ARHGEF3: variants seen among roughly 807,000 people sequenced by gnomAD.
ARHGEF3 encodes Rho guanine nucleotide exchange factor 3.
In ARHGEF3, 28 loss-of-function variants were observed where a neutral mutation model predicts 63.2. The ratio of observed to expected loss-of-function variants is 0.44; its 90% confidence interval spans 0.33 to 0.61. ARHGEF3 has a LOEUF of 0.61. Among genes scored for constraint, ARHGEF3 ranks in the 20% least tolerant of loss-of-function variants. The pLI is 0.03. For synonymous variants in ARHGEF3, 266 were observed against 254.2 expected (o/e 1.05, Z -0.44); for missense variants, 533 against 659.3 (o/e 0.81, Z 2.10).
chr3:56,785,432 T>C (rs2036755153), intron 1 of ARHGEF3, among the ~76,000 whole-genome samples: 1 of 152,186 alleles, frequency 6.6e-6, no homozygotes, highest in East Asian at 1.9e-4. Flanking sequence ...TGCTGAATTA[T>C]GGGCTAGAAG....
At chr3:56,905,489 C>T (rs1344584340) in intron 3 of ARHGEF3, among the ~76,000 whole-genome samples, 1 of 152,212 alleles carries the variant, frequency 6.6e-6, no homozygotes, top group Admixed American at 6.5e-5. Context: ...TCCCCATTGA[C>T]TGAGTATGTA....
At chr3:56,914,689 C>T (rs927647222) in intron 3 of ARHGEF3, among the ~76,000 whole-genome samples, 5 of 152,090 alleles carry the variant, frequency 3.3e-5, no homozygotes, top group Non-Finnish European at 5.9e-5. Flanking sequence ...TTCTGACACA[C>T]GTTACAACTT....
chr3:56,815,894 C>G (rs1391485884), intron 4 of ARHGEF3, among the ~76,000 whole-genome samples: 1 of 152,110 alleles, frequency 6.6e-6, no homozygotes, highest in Non-Finnish European at 1.5e-5. Context: ...AGTGGTAGGG[C>G]CATACCTAAT....
chr3:57,065,358 G>A (rs1705470490), intron 1 of ARHGEF3, among the ~76,000 whole-genome samples: 1 of 152,160 alleles, frequency 6.6e-6, no homozygotes, highest in Non-Finnish European at 1.5e-5. Context: ...CTACTAAGGA[G>A]GATGAGGCAG....
intron 3 of ARHGEF3, among the ~76,000 whole-genome samples, chr3:56,948,506 C>T (rs1166077092): frequency 7.9e-5 from 12 of 152,106 alleles, no homozygotes; most frequent in African/African-American, 1.7e-4. Context: ...AACACCTCTA[C>T]GCAAATAAAC....
intron 2 of ARHGEF3, among the ~76,000 whole-genome samples, chr3:56,991,134 G>A (rs1302486199): frequency 1.3e-5 from 2 of 152,040 alleles, no homozygotes; most frequent in African/African-American, 4.8e-5. Flanking sequence ...CATTACCCTA[G>A]TCCCTCTCAG....
chr3:56,991,622 GTTTT>G (rs1701749153), intron 2 of ARHGEF3, among the ~76,000 whole-genome samples: 1 of 152,118 alleles, frequency 6.6e-6, no homozygotes, highest in African/African-American at 2.4e-5. Context: ...GTTTTGTTTT[GTTTT>G]GTTTTTGAGA....
chr3:57,073,912 AGGG>A (rs765577966), intron 1 of ARHGEF3: 5 of 1,614,068 alleles, frequency 3.1e-6, no homozygotes, highest in Non-Finnish European at 4.2e-6. Flanking sequence ...CTGACATTTC[AGGG>A]GGATGTGTGC....
intron 4 of ARHGEF3, among the ~76,000 whole-genome samples, chr3:56,837,647 C>CT (rs1480518401): frequency 2.0e-5 from 3 of 152,190 alleles, no homozygotes; most frequent in East Asian, 3.8e-4. Flanking sequence ...GTAAACCCTC[C>CT]ACTCCAAGGC....
intron 3 of ARHGEF3, among the ~76,000 whole-genome samples, chr3:56,898,874 G>C (rs781657169): frequency 6.6e-6 from 1 of 152,106 alleles, no homozygotes; most frequent in Non-Finnish European, 1.5e-5. Context: ...GGCTAACATG[G>C]TGAAACCCCG....
At chr3:57,074,002 G>T in intron 1 of ARHGEF3, 1 of 1,614,190 alleles carries the variant, frequency 6.2e-7, no homozygotes, top group East Asian at 2.2e-5. Flanking sequence ...AATCTTCTGG[G>T]AAGACCCTCT....
chr3:57,028,208 C>T (rs1220558017), intron 2 of ARHGEF3, among the ~76,000 whole-genome samples: 1 of 147,212 alleles, frequency 6.8e-6, no homozygotes, highest in Non-Finnish European at 1.5e-5. Flanking sequence ...ACCCAAAGGA[C>T]TATAAATCAT....
chr3:56,906,975 A>T (rs78487569), intron 3 of ARHGEF3, among the ~76,000 whole-genome samples: 2,738 of 72,696 alleles, frequency 0.038, 169 homozygotes, highest in African/African-American at 0.13. Flanking sequence ...CTCACATTCT[A>T]TTTTTTTTTT....
intron 2 of ARHGEF3, among the ~76,000 whole-genome samples, chr3:56,989,292 GTTT>G (rs61705818): frequency 1.3e-5 from 2 of 148,442 alleles, no homozygotes; most frequent in African/African-American, 4.9e-5. Context: ...CCTCGCTTGC[GTTT>G]TTTTTTTGCT....
At chr3:56,931,890 C>T (rs1209118953) in intron 3 of ARHGEF3, among the ~76,000 whole-genome samples, 1 of 152,154 alleles carries the variant, frequency 6.6e-6, no homozygotes, top group African/African-American at 2.4e-5. Context: ...GCTGAGTACA[C>T]AGTATCCATT....
At chr3:56,884,720 G>C (rs1458899877) in intron 3 of ARHGEF3, among the ~76,000 whole-genome samples, 1 of 152,224 alleles carries the variant, frequency 6.6e-6, no homozygotes, top group Non-Finnish European at 1.5e-5. Flanking sequence ...TGCCGTTTTT[G>C]AGGATGCTTC....
chr3:56,875,927 T>A (rs2040571154), intron 4 of ARHGEF3, among the ~76,000 whole-genome samples: 1 of 151,834 alleles, frequency 6.6e-6, no homozygotes, highest in African/African-American at 2.4e-5. Context: ...GATGGCAACA[T>A]AAGCTTGTGA....
chr3:56,734,443 G>C (rs7638200), intron 8 of ARHGEF3, among the ~76,000 whole-genome samples: 28 of 151,986 alleles, frequency 1.8e-4, no homozygotes, highest in Admixed American at 1.8e-3. Flanking sequence ...GAGTGAGAGG[G>C]GCAAGGGCTG....
In ARHGEF3 at chr3:56,812,081, C is replaced by G. The variant is rs552670766; in HGVS notation, c.193-38265G>C. On this transcript the variant is annotated intron_variant, in intron 4 of 12. Coordinates refer to the ARHGEF3 transcript ENST00000338458. The stretch of plus-strand genomic sequence containing the variant: ...CTATTACGCTGGCACATAGCAGACT[C>G]TCAGCTCATATTTGTTGAAATGAAA... Among the ~76,000 whole-genome samples the G allele has an allele frequency of 8.5e-5, 13 of 152,302 alleles. 1 individual carries two copies. The South Asian group carries it at 2.5e-3, about 29-fold the overall frequency.
Sources: allele counts gnomAD v4.1 joint callset (sites outside exome capture counted in the v4.1 genomes callset), GRCh38; gene constraint gnomAD v4.1.1; transcripts MANE v1.5; gene names NCBI Gene and HGNC (gene_info 2026-07-23, HGNC 2026-07-21).